The following RBMS3 variants were observed in gnomAD, a reference collection of about 807,000 sequenced individuals.
RBMS3 encodes RNA-binding motif, single-stranded-interacting protein 3.
Under a neutral mutation model 66.8 loss-of-function variants are expected in RBMS3, and 27 were observed. The observed-to-expected ratio is 0.40, with a 90% CI of 0.30 to 0.56. The LOEUF is 0.56. Ranked by LOEUF, RBMS3 falls within the 20% of genes least tolerant of loss-of-function variation. The pLI is 0.40. For synonymous variants in RBMS3, 188 were observed against 183.0 expected (o/e 1.03, Z -0.22); for missense variants, 513 against 549.5 (o/e 0.93, Z 0.66).
intron 10 of RBMS3, among the ~76,000 whole-genome samples, chr3:29,931,890 C>T (rs949003780): frequency 6.6e-6 from 1 of 152,076 alleles, no homozygotes; most frequent in African/African-American, 2.4e-5. Context: ...CTTAAAACCA[C>T]CTTTTTAAAA....
At chr3:29,610,505 T>C (rs9810226) in intron 4 of RBMS3, among the ~76,000 whole-genome samples, 6,523 of 152,116 alleles carry the variant, frequency 0.043, 400 homozygotes, top group East Asian at 0.32. Flanking sequence ...TCGCCCCTTC[T>C]TTGAGCCTTC....
Position 29,819,763 on chromosome 3 carries a change from T to C in RBMS3, c.638-49095T>C, listed in dbSNP as rs79680434. Among the ~76,000 whole-genome samples the C allele has an allele frequency of 2.0e-5, 3 of 152,334 alleles. No homozygotes were observed. In the East Asian group the frequency reaches 5.8e-4, roughly 29 times the overall value. ...TTCAGGGTACTTATCAGATTTTCTA[T>C]GTCTAAATTAGCAGGCTCAAAAGAC... On this transcript the variant is annotated intron_variant, in intron 6 of 14. Transcript: ENST00000383767.
chr3:29,327,858 C>T (rs1454922782), intron 1 of RBMS3, among the ~76,000 whole-genome samples: 1 of 152,138 alleles, frequency 6.6e-6, no homozygotes, highest in African/African-American at 2.4e-5. Context: ...AGATTAACAC[C>T]AAGGAGCTAT....
chr3:29,661,253 G>A (rs1208044758), intron 4 of RBMS3, among the ~76,000 whole-genome samples: 1 of 152,134 alleles, frequency 6.6e-6, no homozygotes, highest in Non-Finnish European at 1.5e-5. Flanking sequence ...TTGTCCAGGT[G>A]GGGAGACAAA....
At chr3:29,873,396 A>G (rs1009676249) in intron 7 of RBMS3, among the ~76,000 whole-genome samples, 4 of 152,024 alleles carry the variant, frequency 2.6e-5, no homozygotes, top group Non-Finnish European at 4.4e-5. Flanking sequence ...ACTTGGCTGC[A>G]GTTGGTCTAT....
At chr3:29,695,945 T>C (rs779530168) in intron 4 of RBMS3, among the ~76,000 whole-genome samples, 24 of 152,232 alleles carry the variant, frequency 1.6e-4, no homozygotes, top group Non-Finnish European at 2.8e-4. Flanking sequence ...AGCAGTGAGA[T>C]GGCCAAGGGA....
intron 6 of RBMS3, among the ~76,000 whole-genome samples, chr3:29,860,707 G>A (rs1340599073): frequency 6.6e-6 from 1 of 152,100 alleles, no homozygotes; most frequent in African/African-American, 2.4e-5. Flanking sequence ...ATACATGTGG[G>A]TCAAAAAATA....
chr3:29,431,005 T>C (rs969306829), intron 1 of RBMS3, among the ~76,000 whole-genome samples: 7 of 152,172 alleles, frequency 4.6e-5, no homozygotes, highest in Non-Finnish European at 8.8e-5. Context: ...GTGCAGGACT[T>C]GTAAAAGAGG....
At chr3:29,455,794 A>C (rs1458856306) in intron 2 of RBMS3, among the ~76,000 whole-genome samples, 2 of 151,274 alleles carry the variant, frequency 1.3e-5, no homozygotes, top group East Asian at 1.9e-4. Flanking sequence ...GCAAAATCAC[A>C]CACACGCACA....
At chr3:29,344,019 G>T (rs2036431615) in intron 1 of RBMS3, among the ~76,000 whole-genome samples, 1 of 152,172 alleles carries the variant, frequency 6.6e-6, no homozygotes, top group African/African-American at 2.4e-5. Context: ...ATACAATAAT[G>T]GGTGGTGAAG....
intron 12 of RBMS3, among the ~76,000 whole-genome samples, chr3:29,963,290 G>T (rs1696606508): frequency 6.6e-6 from 1 of 152,112 alleles, no homozygotes; most frequent in African/African-American, 2.4e-5. Context: ...CCAGGTTACA[G>T]TCCAGGCCAA....
chr3:29,710,622 G>A (rs1422153397), intron 4 of RBMS3, among the ~76,000 whole-genome samples: 1 of 152,176 alleles, frequency 6.6e-6, no homozygotes, highest in Non-Finnish European at 1.5e-5. Flanking sequence ...TCAGCTTCAA[G>A]TGAAAACATA....
At chr3:29,548,012 C>T (rs2046031314) in intron 3 of RBMS3, among the ~76,000 whole-genome samples, 2 of 151,880 alleles carry the variant, frequency 1.3e-5, no homozygotes, top group Admixed American at 1.3e-4. Flanking sequence ...CAAGGCTGGT[C>T]TCGCACTTCT....
At chr3:29,906,138 C>T (rs964654966) in intron 10 of RBMS3, among the ~76,000 whole-genome samples, 37 of 152,006 alleles carry the variant, frequency 2.4e-4, no homozygotes, top group African/African-American at 8.2e-4. Flanking sequence ...ATCAGGTTTC[C>T]GCCATATGTA....
chr3:29,302,624 A>T (rs566189400), intron 1 of RBMS3, among the ~76,000 whole-genome samples: 12 of 152,198 alleles, frequency 7.9e-5, no homozygotes, highest in Middle Eastern at 6.8e-3. Flanking sequence ...TATCTAACTT[A>T]ATCAGTAATT....
intron 10 of RBMS3, among the ~76,000 whole-genome samples, chr3:29,929,678 C>T (rs2061056039): frequency 6.6e-6 from 1 of 152,020 alleles, no homozygotes; most frequent in Non-Finnish European, 1.5e-5. Context: ...GAAAAAAATG[C>T]TATGTTTATA....
At chr3:29,380,625 T>C (rs1427226595) in intron 1 of RBMS3, among the ~76,000 whole-genome samples, 1 of 152,196 alleles carries the variant, frequency 6.6e-6, no homozygotes, top group Non-Finnish European at 1.5e-5. Flanking sequence ...AATTGCCATG[T>C]CACACACATT....
intron 10 of RBMS3, among the ~76,000 whole-genome samples, chr3:29,933,465 ATT>A (rs202093965): frequency 0.072 from 10,908 of 151,964 alleles, 537 homozygotes; most frequent in Non-Finnish European, 0.11. Context: ...AAGAAAATTC[ATT>A]TCTCCCAGGA....
At chr3:29,833,842 CAAACGGACTTCCCCA>C (rs2058435280) in intron 6 of RBMS3, among the ~76,000 whole-genome samples, 2 of 151,934 alleles carry the variant, frequency 1.3e-5, no homozygotes, top group African/African-American at 4.8e-5. Flanking sequence ...CAAAAGCCTC[CAAACGGACTTCCCCA>C]AAGAAGACTC....
Sources: gnomAD v4.1 joint callset for allele counts (sites outside exome capture counted in the v4.1 genomes callset) on GRCh38, gnomAD v4.1.1 for gene constraint, MANE v1.5 for transcripts, NCBI Gene and HGNC (gene_info 2026-07-23, HGNC 2026-07-21) for gene names.